Variants in TTLL11 observed in about 807,000 individuals in gnomAD.
TTLL11 encodes the protein tubulin tyrosine ligase like 11.
In TTLL11, 42 loss-of-function variants were observed where a neutral mutation model predicts 51.7. The observed-to-expected ratio is 0.81, with a 90% CI of 0.64 to 1.05. The LOEUF (loss-of-function observed/expected upper bound fraction) is 1.05, where lower values mean the gene tolerates loss of function less well. TTLL11 is among the 50% of genes least tolerant of loss of function. TTLL11 has a pLI of 0.00. For synonymous variants in TTLL11, 381 were observed against 383.5 expected (o/e 0.99, Z 0.08); for missense variants, 799 against 940.4 (o/e 0.85, Z 1.97).
At chr9:121,858,076 T>C (rs1837882591) in intron 8 of TTLL11, among the ~76,000 whole-genome samples, 2 of 152,194 alleles carry the variant, frequency 1.3e-5, no homozygotes, top group Non-Finnish European at 2.9e-5. Flanking sequence ...ATGAGCACTC[T>C]CAGTCCTCGA....
chr9:121,942,196 C>G (rs1198651844), intron 6 of TTLL11, among the ~76,000 whole-genome samples: 4 of 152,212 alleles, frequency 2.6e-5, no homozygotes, highest in Non-Finnish European at 1.5e-5. Context: ...TGGTGAACTT[C>G]AAATGCACCA....
intron 6 of TTLL11, among the ~76,000 whole-genome samples, chr9:121,906,983 C>A (rs769803373): frequency 6.6e-6 from 1 of 152,078 alleles, no homozygotes; most frequent in Non-Finnish European, 1.5e-5. Flanking sequence ...GACCGACAAC[C>A]ACCCGCTACT....
chr9:121,870,421 G>T, intron 7 of TTLL11, 76 bp downstream of exon 7: 1 of 1,492,170 alleles, frequency 6.7e-7, no homozygotes, highest in Non-Finnish European at 9.0e-7. Flanking sequence ...CGCAGTCAGG[G>T]AGACCCGCCA....
intron 6 of TTLL11, among the ~76,000 whole-genome samples, chr9:121,941,052 TC>T (rs1479530395): frequency 1.3e-5 from 2 of 152,222 alleles, no homozygotes; most frequent in Admixed American, 1.3e-4. Flanking sequence ...TCCATTTTTC[TC>T]CATGAAAACG....
chr9:121,934,235 A>AAAATAAATAAAT (rs58764604), intron 6 of TTLL11, among the ~76,000 whole-genome samples: 36,874 of 146,144 alleles, frequency 0.25, 5,150 homozygotes, highest in African/African-American at 0.36. Flanking sequence ...CTCCATCTCA[A>AAAATAAATAAAT]AAATAAATAA....
At chr9:122,038,774 T>A (rs1444979240) in intron 2 of TTLL11, among the ~76,000 whole-genome samples, 3 of 152,188 alleles carry the variant, frequency 2.0e-5, no homozygotes, top group African/African-American at 4.8e-5. Flanking sequence ...CCTTGCAGGA[T>A]AAGTCTTGCT....
intron 6 of TTLL11, among the ~76,000 whole-genome samples, chr9:121,944,430 T>C (rs753005959): frequency 1.2e-4 from 18 of 151,592 alleles, no homozygotes; most frequent in Non-Finnish European, 2.5e-4. Flanking sequence ...ATCACTTGAA[T>C]CCAGGGGGCG....
At chr9:121,977,860 A>G (rs1842748522) in intron 4 of TTLL11, among the ~76,000 whole-genome samples, 1 of 152,014 alleles carries the variant, frequency 6.6e-6, no homozygotes, top group African/African-American at 2.4e-5. Flanking sequence ...TTTTTAGTAG[A>G]GACGGGGTTT....
intron 7 of TTLL11, among the ~76,000 whole-genome samples, chr9:121,868,266 T>C (rs764550189): frequency 5.3e-5 from 8 of 152,204 alleles, no homozygotes; most frequent in Non-Finnish European, 1.2e-4. Context: ...CTAAGCTGCT[T>C]TCTTATGTTA....
intron 1 of TTLL11, among the ~76,000 whole-genome samples, chr9:122,061,394 G>C (rs567966763): frequency 6.6e-6 from 1 of 152,258 alleles, no homozygotes; most frequent in South Asian, 2.1e-4. Flanking sequence ...TGGAATTTCA[G>C]TGCTTTCCAG....
At chr9:122,010,067 TTA>T (rs1843754229) in intron 3 of TTLL11, among the ~76,000 whole-genome samples, 1 of 152,196 alleles carries the variant, frequency 6.6e-6, no homozygotes, top group African/African-American at 2.4e-5. Flanking sequence ...TTGAGCTTTA[TTA>T]TGTTTTTCTT....
intron 3 of TTLL11, among the ~76,000 whole-genome samples, chr9:122,018,889 C>T (rs1844076549): frequency 6.6e-6 from 1 of 152,246 alleles, no homozygotes; most frequent in African/African-American, 2.4e-5. Flanking sequence ...CTAACTCAGT[C>T]TCCCTGTTTT....
intron 6 of TTLL11, among the ~76,000 whole-genome samples, chr9:121,885,923 T>TTC (rs1838995160): frequency 6.6e-6 from 1 of 152,158 alleles, no homozygotes; most frequent in South Asian, 2.1e-4. Context: ...GAGACAGAGT[T>TTC]TCTCTATGTT....
chr9:122,008,413 A>T (rs979978494), intron 3 of TTLL11, among the ~76,000 whole-genome samples: 1 of 152,256 alleles, frequency 6.6e-6, no homozygotes, highest in Non-Finnish European at 1.5e-5. Context: ...AAGAATGGGC[A>T]AAGAATCTGA....
chr9:121,942,123 G>GC (rs1459903722), intron 6 of TTLL11, among the ~76,000 whole-genome samples: 2 of 152,084 alleles, frequency 1.3e-5, no homozygotes, highest in Non-Finnish European at 2.9e-5. Flanking sequence ...CTGCCATTCA[G>GC]CCCCCAGCAT....
intron 3 of TTLL11, among the ~76,000 whole-genome samples, chr9:121,998,379 T>C (rs1196364008): frequency 1.3e-5 from 2 of 152,034 alleles, no homozygotes; most frequent in African/African-American, 4.8e-5. Context: ...CTCCGCCTCC[T>C]GGGTTCAAGC....
chr9:121,997,869 C>T (rs555394497), intron 3 of TTLL11, among the ~76,000 whole-genome samples: 1 of 152,210 alleles, frequency 6.6e-6, no homozygotes, highest in South Asian at 2.1e-4. Flanking sequence ...CGGCTGTTTC[C>T]TGGGTCTGCC....
chr9:121,887,744 C>A (rs1839066513), intron 6 of TTLL11, among the ~76,000 whole-genome samples: 1 of 152,194 alleles, frequency 6.6e-6, no homozygotes, highest in Admixed American at 6.5e-5. Flanking sequence ...GCTTCAAGAT[C>A]CCCCATGAAG....
intron 6 of TTLL11, among the ~76,000 whole-genome samples, chr9:121,894,404 G>A (rs973455924): frequency 3.9e-5 from 6 of 152,104 alleles, no homozygotes; most frequent in East Asian, 3.8e-4. Flanking sequence ...GTATATACCC[G>A]AAGGATTATA....
Sources: gnomAD v4.1 joint callset for allele counts (sites outside exome capture counted in the v4.1 genomes callset) on GRCh38, gnomAD v4.1.1 for gene constraint, MANE v1.5 for transcripts, NCBI Gene and HGNC (gene_info 2026-07-23, HGNC 2026-07-21) for gene names.